SPAG16: variants seen among roughly 807,000 people sequenced by gnomAD.
SPAG16 encodes the protein sperm-associated antigen 16 protein.
In SPAG16, 86 loss-of-function variants were observed where a neutral mutation model predicts 80.4. That is an observed-to-expected ratio of 1.07 (90% CI 0.90 to 1.28). The LOEUF (loss-of-function observed/expected upper bound fraction) is 1.28, where lower values mean the gene tolerates loss of function less well. Ranked by LOEUF, SPAG16 falls within the 50% of genes most tolerant of loss-of-function variation. The pLI is 0.00. For missense variants in SPAG16, 870 were observed against 765.3 expected, an observed-to-expected ratio of 1.14 and a Z score of -1.61; for synonymous variants, 294 against 265.9, an observed-to-expected ratio of 1.11 and a Z score of -1.03.
chr2:213,792,937 T>C (rs961338524), intron 10 of SPAG16, among the ~76,000 whole-genome samples: 4 of 151,364 alleles, frequency 2.6e-5, no homozygotes, highest in Non-Finnish European at 5.9e-5. Flanking sequence ...AGTATTTTCT[T>C]TTTTTTTGAG....
At chr2:213,708,387 T>C (rs1028341982) in intron 10 of SPAG16, among the ~76,000 whole-genome samples, 2 of 152,186 alleles carry the variant, frequency 1.3e-5, no homozygotes, top group African/African-American at 2.4e-5. Context: ...AAAATTTCAG[T>C]CAAAGATTTC....
At chr2:213,988,737 A>G (rs1030615994) in intron 12 of SPAG16, among the ~76,000 whole-genome samples, 1 of 152,086 alleles carries the variant, frequency 6.6e-6, no homozygotes, top group African/African-American at 2.4e-5. Flanking sequence ...GTATAACTCT[A>G]ACAAGACATA....
intron 12 of SPAG16, among the ~76,000 whole-genome samples, chr2:213,946,421 A>T (rs1300393832): frequency 2.0e-5 from 3 of 152,128 alleles, no homozygotes; most frequent in African/African-American, 7.2e-5. Context: ...CCTGTTGGGG[A>T]AATTTTTGCA....
At chr2:214,200,298 G>C (rs984870508) in intron 15 of SPAG16, among the ~76,000 whole-genome samples, 3 of 152,154 alleles carry the variant, frequency 2.0e-5, no homozygotes, top group Middle Eastern at 3.4e-3. Flanking sequence ...GATCATAAAG[G>C]GATGCTAGAT....
At chr2:213,432,463 C>T (rs2070366591) in intron 9 of SPAG16, among the ~76,000 whole-genome samples, 1 of 151,958 alleles carries the variant, frequency 6.6e-6, no homozygotes, top group Admixed American at 6.6e-5. Flanking sequence ...CATGAACAAC[C>T]ACATGTTCAT....
chr2:214,309,566 T>A (rs2125975037), intron 15 of SPAG16, among the ~76,000 whole-genome samples: 1 of 152,310 alleles, frequency 6.6e-6, no homozygotes, highest in East Asian at 1.9e-4. Context: ...TGGATAGGTT[T>A]TTTTTTTCTT....
intron 9 of SPAG16, among the ~76,000 whole-genome samples, chr2:213,425,196 G>A (rs1328894952): frequency 3.9e-5 from 6 of 151,934 alleles, no homozygotes; most frequent in Admixed American, 1.3e-4. Context: ...GGTGGTGGGC[G>A]CCTGTAGTCC....
intron 14 of SPAG16, among the ~76,000 whole-genome samples, chr2:214,114,009 G>A (rs372509181): frequency 6.6e-6 from 1 of 152,140 alleles, no homozygotes; most frequent in African/African-American, 2.4e-5. Context: ...TGGGGTTTTG[G>A]TGTAGATGTC....
intron 13 of SPAG16, among the ~76,000 whole-genome samples, chr2:214,072,542 C>T (rs1475203999): frequency 6.6e-6 from 1 of 152,016 alleles, no homozygotes; most frequent in Non-Finnish European, 1.5e-5. Context: ...AAGGGAAATA[C>T]TAGACTAGGG....
chr2:213,556,418 C>CAAACAGAAACCAAAAGATAG (rs1393895388), intron 10 of SPAG16, among the ~76,000 whole-genome samples: 1 of 150,200 alleles, frequency 6.7e-6, no homozygotes, highest in Non-Finnish European at 1.5e-5. Flanking sequence ...ATATTCTATA[C>CAAACAGAAACCAAAAGATAG]AAACAGAAAC....
intron 10 of SPAG16, among the ~76,000 whole-genome samples, chr2:213,535,698 G>T (rs2076218051): frequency 1.3e-5 from 2 of 152,150 alleles, no homozygotes; most frequent in East Asian, 1.9e-4. Context: ...ATGAGTGCAG[G>T]TATGTGTAAA....
intron 10 of SPAG16, among the ~76,000 whole-genome samples, chr2:213,821,093 T>C (rs2072906011): frequency 1.3e-5 from 2 of 152,120 alleles, no homozygotes; most frequent in African/African-American, 4.8e-5. Flanking sequence ...TATTTTCTTT[T>C]CCTCAGTCTG....
intron 1 of SPAG16, among the ~76,000 whole-genome samples, chr2:213,295,195 C>A (rs1453313091): frequency 6.6e-6 from 1 of 152,056 alleles, no homozygotes; most frequent in Non-Finnish European, 1.5e-5. Flanking sequence ...ACATTTTAAA[C>A]TTGGCATAAC....
intron 9 of SPAG16, among the ~76,000 whole-genome samples, chr2:213,482,050 T>G (rs753430114): frequency 6.6e-6 from 1 of 152,238 alleles, no homozygotes; most frequent in African/African-American, 2.4e-5. Context: ...TGATCTTATC[T>G]AAAACTTGAA....
At chr2:213,833,195 C>T (rs778073814) in intron 10 of SPAG16, among the ~76,000 whole-genome samples, 6 of 150,472 alleles carry the variant, frequency 4.0e-5, no homozygotes, top group Non-Finnish European at 7.4e-5. Context: ...AGATATTATC[C>T]TTCCTCGCTT....
intron 13 of SPAG16, among the ~76,000 whole-genome samples, chr2:214,103,430 A>G (rs2053192627): frequency 6.6e-6 from 1 of 152,298 alleles, no homozygotes; most frequent in African/African-American, 2.4e-5. Flanking sequence ...CCAGGAGGAA[A>G]AATAAAAGTG....
chr2:213,739,142 T>C (rs977567843), intron 10 of SPAG16, among the ~76,000 whole-genome samples: 1 of 152,232 alleles, frequency 6.6e-6, no homozygotes, highest in Non-Finnish European at 1.5e-5. Flanking sequence ...ATTATCCTAG[T>C]AGCAATTTAT....
At chr2:213,394,187 A>G (rs2067919243) in intron 9 of SPAG16, among the ~76,000 whole-genome samples, 1 of 151,874 alleles carries the variant, frequency 6.6e-6, no homozygotes, top group African/African-American at 2.4e-5. Flanking sequence ...CTTTTTTAGC[A>G]TTTTTCTTGT....
chr2:213,813,133 A>G (rs551517308), intron 10 of SPAG16, among the ~76,000 whole-genome samples: 15 of 152,308 alleles, frequency 9.8e-5, no homozygotes, highest in African/African-American at 3.1e-4. Context: ...CAGTGACACG[A>G]TAACTTTTTC....
Sources: gnomAD v4.1 joint callset for allele counts (sites outside exome capture counted in the v4.1 genomes callset) on GRCh38, gnomAD v4.1.1 for gene constraint, MANE v1.5 for transcripts, NCBI Gene and HGNC (gene_info 2026-07-23, HGNC 2026-07-21) for gene names.